The following CACNA1C variants were observed in gnomAD, a reference collection of about 807,000 sequenced individuals.
CACNA1C encodes calcium voltage-gated channel subunit alpha1 C.
A neutral mutation model predicts 229.0 loss-of-function variants in CACNA1C; 30 were observed. That is an observed-to-expected ratio of 0.13 (90% confidence interval 0.10 to 0.18). The LOEUF (loss-of-function observed/expected upper bound fraction) is 0.18, where lower values mean the gene tolerates loss of function less well. CACNA1C is among the 10% of genes least tolerant of loss of function. CACNA1C has a pLI of 1.00. For synonymous variants in CACNA1C, 1,114 were observed against 1,132.5 expected (o/e 0.98, Z 0.33); for missense variants, 1,658 against 2,845.0 (o/e 0.58, Z 9.49).
intron 15 of CACNA1C, 51 bp from the exon 16 acceptor site, chr12:2,584,452 C>T (rs2061687917): frequency 7.2e-7 from 1 of 1,397,662 alleles, no homozygotes. Flanking sequence ...CCCCTGTGCC[C>T]ACCAAAACCC....
At chr12:2,015,485 A>G (rs115322151) in intron 1 of CACNA1C, among the ~76,000 whole-genome samples, 2,379 of 152,306 alleles carry the variant, frequency 0.016, 67 homozygotes, top group African/African-American at 0.054. Context: ...AATTATTGCC[A>G]AGATAGGTGG....
chr12:2,140,255 C>A (rs533189866), intron 3 of CACNA1C, among the ~76,000 whole-genome samples: 1 of 151,332 alleles, frequency 6.6e-6, no homozygotes, highest in Non-Finnish European at 1.5e-5. Context: ...GCAGAATGGT[C>A]GGAGACCCTC....
intron 3 of CACNA1C, among the ~76,000 whole-genome samples, chr12:2,440,856 A>G (rs1338035221): frequency 2.0e-5 from 3 of 152,164 alleles, no homozygotes; most frequent in Admixed American, 6.5e-5. Context: ...CGATGCGCTG[A>G]GAGGGCAATG....
intron 1 of CACNA1C, among the ~76,000 whole-genome samples, chr12:2,033,850 TGA>T (rs2048648008): frequency 6.6e-6 from 1 of 152,194 alleles, no homozygotes; most frequent in South Asian, 2.1e-4. Context: ...ATAGAGGTGG[TGA>T]GAGTTTGCCT....
intron 3 of CACNA1C, among the ~76,000 whole-genome samples, chr12:2,273,729 C>A (rs1457975205): frequency 6.6e-6 from 1 of 152,194 alleles, no homozygotes. Flanking sequence ...AGAGAAGACG[C>A]TTGCAAATCT....
In CACNA1C at chr12:2,599,638, A is replaced by G. The variant is rs903766573; in HGVS notation, c.2854-2216A>G. On this transcript the variant is annotated intron_variant, in intron 21 of 46. Transcript: ENST00000399655. The stretch of plus-strand genomic sequence containing the variant: ...CCACGTCCCATTCCTTTCCTTCCTC[A>G]GGATGGAAACACCCCAGCAAGGGCC... Among the ~76,000 whole-genome samples, 21 of 152,172 alleles carry G rather than the reference A, an allele frequency of 1.4e-4. 1 individual carries two copies. Among genetic ancestry groups the G allele is most frequent in the African/African-American group, 4.1e-4 (17 of 41,432 alleles).
rs1276746291 is a variant in CACNA1C at position 2,649,046 on chromosome 12, C to T, written c.3945+539C>T. On this transcript the variant is annotated intron_variant, in intron 31 of 46. Transcript: ENST00000399655. The surrounding 1 kb of genome is among the most constrained non-coding windows in gnomAD (Gnocchi z 4.4). The stretch of plus-strand genomic sequence containing the variant: ...TTCAGCTGGGATTTGTTACTGAGCG[C>T]GTGATTGAATTTCCAGTCACTCCAA... 2.0e-5 allele frequency among the ~76,000 whole-genome samples: 3 copies of T among 152,086 alleles called. No homozygotes were observed. The highest frequency in any genetic ancestry group is 4.8e-5 in the African/African-American group (2 of 41,400).
chr12:2,556,892 C>A (rs559720530), intron 10 of CACNA1C, 59 bp from the exon 11 acceptor site: 2 of 1,449,078 alleles, frequency 1.4e-6, no homozygotes, highest in Non-Finnish European at 1.9e-6. Flanking sequence ...GACTGTTGAC[C>A]GTCTTTTAAA....
chr12:2,371,619 AG>A (rs1462647644), intron 3 of CACNA1C, among the ~76,000 whole-genome samples: 2 of 151,946 alleles, frequency 1.3e-5, no homozygotes, highest in African/African-American at 4.8e-5. Context: ...CCATCTCCTT[AG>A]GTCAAGAGCA....
intron 9 of CACNA1C, among the ~76,000 whole-genome samples, chr12:2,545,041 G>C (rs1416403851): frequency 6.6e-6 from 1 of 152,012 alleles, no homozygotes; most frequent in Admixed American, 6.6e-5. Flanking sequence ...ACCTTTTTTG[G>C]TGTAAGTTTG....
At chr12:2,655,941 A>G (rs2095396634) in intron 34 of CACNA1C, among the ~76,000 whole-genome samples, 2 of 152,244 alleles carry the variant, frequency 1.3e-5, no homozygotes, top group Admixed American at 1.3e-4. Context: ...GAAGGATGGT[A>G]CTGCAACACA....
intron 18 of CACNA1C, among the ~76,000 whole-genome samples, chr12:2,586,807 C>T (rs944650699): frequency 1.3e-5 from 2 of 152,208 alleles, no homozygotes; most frequent in East Asian, 3.8e-4. Flanking sequence ...TGTGGTCACA[C>T]CATCCTCACT....
At chr12:2,018,579 G>A (rs1306784666) in intron 1 of CACNA1C, among the ~76,000 whole-genome samples, 1 of 152,176 alleles carries the variant, frequency 6.6e-6, no homozygotes, top group Non-Finnish European at 1.5e-5. Context: ...GTGGACGAGC[G>A]CTTCCTCCAT....
chr12:2,370,269 A>G (rs1272730763), intron 3 of CACNA1C, among the ~76,000 whole-genome samples: 1 of 152,232 alleles, frequency 6.6e-6, no homozygotes, highest in Admixed American at 6.5e-5. Context: ...GAAAAAAGTT[A>G]TAACCTTTCT....
intron 9 of CACNA1C, among the ~76,000 whole-genome samples, chr12:2,540,027 A>T (rs1249199102): frequency 1.3e-5 from 2 of 152,194 alleles, no homozygotes; most frequent in African/African-American, 4.8e-5. Context: ...TGGGGCAGAC[A>T]TGTGGCCTTG....
chr12:2,073,387 C>CT (rs2062055778), intron 1 of CACNA1C, among the ~76,000 whole-genome samples: 1 of 152,236 alleles, frequency 6.6e-6, no homozygotes, highest in Non-Finnish European at 1.5e-5. Flanking sequence ...TCTAGGGCTT[C>CT]TCCCTTGTAT....
intron 13 of CACNA1C, among the ~76,000 whole-genome samples, chr12:2,578,342 G>A (rs934605852): frequency 6.6e-6 from 1 of 152,134 alleles, no homozygotes; most frequent in African/African-American, 2.4e-5. Flanking sequence ...AAAGTGAGGG[G>A]GCCCGAGGAA....
intron 5 of CACNA1C, among the ~76,000 whole-genome samples, chr12:2,485,364 G>T (rs371825797): frequency 3.8e-4 from 58 of 152,190 alleles, no homozygotes; most frequent in Middle Eastern, 3.4e-3. Context: ...CAAATGATTT[G>T]CAGTGTCCCT....
chr12:2,126,555 T>C (rs1363503867), intron 3 of CACNA1C, among the ~76,000 whole-genome samples: 1 of 152,224 alleles, frequency 6.6e-6, no homozygotes, highest in Admixed American at 6.5e-5. Context: ...GAACAGTGCA[T>C]GTACTTTCTG....
Sources: allele counts gnomAD v4.1 joint callset (sites outside exome capture counted in the v4.1 genomes callset), GRCh38; gene constraint gnomAD v4.1.1; non-coding constraint Gnocchi (gnomAD v3.1); transcripts MANE v1.5; gene names NCBI Gene and HGNC (gene_info 2026-07-23, HGNC 2026-07-21).